The following GALNTL6 variants were observed in gnomAD, a reference collection of about 807,000 sequenced individuals.
GALNTL6 encodes polypeptide N-acetylgalactosaminyltransferase like 6.
Under a neutral mutation model 73.7 loss-of-function variants are expected in GALNTL6, and 46 were observed. That is an observed-to-expected ratio of 0.62 (90% confidence interval 0.49 to 0.80). GALNTL6 has a LOEUF of 0.80. Ranked by LOEUF, GALNTL6 falls within the 30% of genes least tolerant of loss-of-function variation. GALNTL6 has a pLI of 0.00. For missense variants in GALNTL6, 604 were observed against 755.0 expected (o/e 0.80, Z 2.34); for synonymous variants, 259 against 263.7 (o/e 0.98, Z 0.17).
At chr4:172,966,887 C>T (rs1353079182) in intron 10 of GALNTL6, among the ~76,000 whole-genome samples, 2 of 151,432 alleles carry the variant, frequency 1.3e-5, no homozygotes, top group African/African-American at 4.9e-5. Context: ...GGTGACTGTG[C>T]CGCTAAAAGG....
At chr4:171,952,186 A>T (rs550771864) in intron 2 of GALNTL6, among the ~76,000 whole-genome samples, 1 of 152,164 alleles carries the variant, frequency 6.6e-6, no homozygotes, top group African/African-American at 2.4e-5. Flanking sequence ...CACATATGTC[A>T]ATAAATTTAA....
At chr4:172,923,430 A>G (rs1283365255) in intron 8 of GALNTL6, among the ~76,000 whole-genome samples, 1 of 152,098 alleles carries the variant, frequency 6.6e-6, no homozygotes, top group Non-Finnish European at 1.5e-5. Flanking sequence ...CCCTACCACT[A>G]CACTTGGGAA....
intron 7 of GALNTL6, among the ~76,000 whole-genome samples, chr4:172,875,732 A>AAC (rs59079970): frequency 0.23 from 33,222 of 145,472 alleles, 3,829 homozygotes; most frequent in Middle Eastern, 0.31. Context: ...CTCATACATA[A>AAC]ACACACACAC....
At chr4:173,021,682 C>T in intron 12 of GALNTL6, 57 bp downstream of exon 12, 2 of 1,576,202 alleles carry the variant, frequency 1.3e-6, no homozygotes, top group Non-Finnish European at 8.7e-7. Context: ...GTTATTCTTA[C>T]TCAGTTTTCT....
chr4:172,382,203 A>C (rs931848610), intron 5 of GALNTL6, among the ~76,000 whole-genome samples: 30 of 151,866 alleles, frequency 2.0e-4, no homozygotes, highest in African/African-American at 7.3e-4. Context: ...TCCTAACTTC[A>C]GGTGATCCAC....
intron 2 of GALNTL6, among the ~76,000 whole-genome samples, chr4:172,179,129 T>C (rs1735150979): frequency 3.4e-5 from 5 of 146,822 alleles, no homozygotes; most frequent in Non-Finnish European, 7.4e-5. Context: ...TGTGCATGTG[T>C]CTTTATAGCA....
intron 5 of GALNTL6, among the ~76,000 whole-genome samples, chr4:172,524,494 T>A (rs896281893): frequency 2.0e-5 from 3 of 152,160 alleles, no homozygotes; most frequent in Admixed American, 2.0e-4. Context: ...TCATTCTCAT[T>A]ACTGCATAGC....
intron 2 of GALNTL6, among the ~76,000 whole-genome samples, chr4:171,914,507 T>G (rs1737561195): frequency 6.8e-6 from 1 of 147,322 alleles, no homozygotes; most frequent in East Asian, 2.0e-4. Context: ...CTCGGCTCAC[T>G]GCAACCTCCA....
At chr4:172,259,604 T>G (rs1043217980) in intron 3 of GALNTL6, among the ~76,000 whole-genome samples, 5 of 151,838 alleles carry the variant, frequency 3.3e-5, no homozygotes, top group Admixed American at 1.3e-4. Flanking sequence ...ACAGAAGCTT[T>G]TGAGTTTAAT....
chr4:172,399,686 T>G (rs1743971140), intron 5 of GALNTL6, among the ~76,000 whole-genome samples: 1 of 152,104 alleles, frequency 6.6e-6, no homozygotes, highest in South Asian at 2.1e-4. Flanking sequence ...TGCTTCAATC[T>G]CCGTATGATT....
intron 2 of GALNTL6, among the ~76,000 whole-genome samples, chr4:171,995,212 TAGAA>T (rs1167462451): frequency 5.3e-5 from 8 of 151,980 alleles, no homozygotes; most frequent in Admixed American, 2.6e-4. Context: ...TGGTGTTAAA[TAGAA>T]AGAATATCAA....
intron 2 of GALNTL6, among the ~76,000 whole-genome samples, chr4:171,924,174 C>CCACACA (rs758448133): frequency 3.4e-5 from 4 of 118,496 alleles, no homozygotes; most frequent in African/African-American, 1.5e-4. Context: ...AAAAAATACA[C>CCACACA]CACACACATA....
At chr4:172,897,150 C>A (rs1006326482) in intron 8 of GALNTL6, among the ~76,000 whole-genome samples, 8 of 152,184 alleles carry the variant, frequency 5.3e-5, no homozygotes, top group Non-Finnish European at 8.8e-5. Flanking sequence ...AGACTGAGCC[C>A]CCTCGGGGAG....
chr4:172,847,639 G>A (rs1302457741), intron 7 of GALNTL6, among the ~76,000 whole-genome samples: 5 of 152,130 alleles, frequency 3.3e-5, no homozygotes, highest in Admixed American at 1.3e-4. Flanking sequence ...TCCCGTATGG[G>A]CCAGGCACTA....
At position 172,884,460 on chromosome 4, in the gene GALNTL6, T is replaced by C. The variant is rs138460345; in HGVS notation, c.1041+1553T>C. On this transcript the variant is annotated intron_variant, in intron 8 of 12. Transcript: ENST00000506823. ...TTCATGTATTATGCTCATTTTTAAA[T>C]TGAATTATTTGAAGGATTTTACTGT... 2.4e-3 allele frequency among the ~76,000 whole-genome samples: 361 copies of C among 152,324 alleles called. 2 individuals carry two copies. The highest frequency in any genetic ancestry group is 8.4e-3 in the African/African-American group (351 of 41,582).
intron 5 of GALNTL6, among the ~76,000 whole-genome samples, chr4:172,377,473 G>A (rs143058101): frequency 1.1e-3 from 172 of 152,300 alleles, no homozygotes; most frequent in Middle Eastern, 6.8e-3. Flanking sequence ...AGCTGGCTTC[G>A]CCTAGCAGAT....
At chr4:172,526,321 C>T (rs1392944974) in intron 5 of GALNTL6, among the ~76,000 whole-genome samples, 5 of 152,156 alleles carry the variant, frequency 3.3e-5, no homozygotes, top group African/African-American at 1.2e-4. Flanking sequence ...GGAGCTTCTT[C>T]TCTATCCTCA....
chr4:172,702,213 AATAC>A (rs758109927), intron 5 of GALNTL6, among the ~76,000 whole-genome samples: 4 of 152,062 alleles, frequency 2.6e-5, no homozygotes, highest in Non-Finnish European at 4.4e-5. Context: ...AAATTTAGCA[AATAC>A]ATACACACGA....
At chr4:172,628,077 T>C (rs1739240172) in intron 5 of GALNTL6, among the ~76,000 whole-genome samples, 1 of 152,126 alleles carries the variant, frequency 6.6e-6, no homozygotes, top group South Asian at 2.1e-4. Flanking sequence ...TACATGCTGC[T>C]ACATTATAGG....
Sources: gnomAD v4.1 joint callset for allele counts (sites outside exome capture counted in the v4.1 genomes callset) on GRCh38, gnomAD v4.1.1 for gene constraint, MANE v1.5 for transcripts, NCBI Gene and HGNC (gene_info 2026-07-23, HGNC 2026-07-21) for gene names.